The following DPYD variants were observed in gnomAD, a reference collection of about 807,000 sequenced individuals.
The protein encoded by DPYD is dihydropyrimidine dehydrogenase [NADP(+)].
In DPYD, 109 loss-of-function variants were observed where a neutral mutation model predicts 116.2. That is an observed-to-expected ratio of 0.94 (90% CI 0.80 to 1.10). DPYD has a LOEUF of 1.10. Ranked by LOEUF, DPYD falls within the 50% of genes least tolerant of loss-of-function variation. The probability of loss-of-function intolerance (pLI) is 0.00; values close to 1 mark genes in which losing one functional copy is unlikely to be tolerated. For missense variants in DPYD, 1,302 were observed against 1,254.5 expected, an observed-to-expected ratio of 1.04 and a Z score of -0.57; for synonymous variants, 440 against 432.0, an observed-to-expected ratio of 1.02 and a Z score of -0.23.
intron 11 of DPYD, among the ~76,000 whole-genome samples, chr1:97,554,524 C>A (rs1651553335): frequency 1.3e-5 from 2 of 152,016 alleles, no homozygotes. Context: ...TAACCTATCA[C>A]CCACTAGGAC....
At chr1:97,489,379 C>T (rs966549357) in intron 13 of DPYD, among the ~76,000 whole-genome samples, 2 of 152,170 alleles carry the variant, frequency 1.3e-5, no homozygotes, top group African/African-American at 4.8e-5. Context: ...CTCATCTATA[C>T]ACAATACTCC....
At chr1:97,548,727 C>T (rs1651093671) in intron 12 of DPYD, among the ~76,000 whole-genome samples, 1 of 151,998 alleles carries the variant, frequency 6.6e-6, no homozygotes, top group Non-Finnish European at 1.5e-5. Context: ...TAGAGCGAGA[C>T]TTTGTCTCAA....
intron 1 of DPYD, among the ~76,000 whole-genome samples, chr1:97,911,945 T>C (rs1229568320): frequency 1.3e-5 from 2 of 152,126 alleles, no homozygotes; most frequent in African/African-American, 4.8e-5. Context: ...CCATGCACGC[T>C]GTCAAGCCAT....
At chr1:97,104,942 G>C (rs2101611007) in intron 20 of DPYD, among the ~76,000 whole-genome samples, 1 of 152,242 alleles carries the variant, frequency 6.6e-6, no homozygotes, top group Non-Finnish European at 1.5e-5. Flanking sequence ...TTTCTGCTAA[G>C]TGCTGTGCAG....
intron 13 of DPYD, among the ~76,000 whole-genome samples, chr1:97,496,617 C>G (rs369086082): frequency 6.6e-6 from 1 of 151,994 alleles, no homozygotes; most frequent in African/African-American, 2.4e-5. Context: ...TTCTCTCTGA[C>G]TTTGCTCATG....
intron 2 of DPYD, among the ~76,000 whole-genome samples, chr1:97,840,855 T>C (rs1425798890): frequency 6.6e-6 from 1 of 152,152 alleles, no homozygotes; most frequent in Admixed American, 6.5e-5. Context: ...ATTATATACA[T>C]ACGAAGTTTC....
intron 13 of DPYD, among the ~76,000 whole-genome samples, chr1:97,476,425 C>A (rs1030702472): frequency 6.6e-6 from 1 of 151,828 alleles, no homozygotes; most frequent in Non-Finnish European, 1.5e-5. Flanking sequence ...TATGAAAAAA[C>A]AAAGCAATGA....
intron 20 of DPYD, among the ~76,000 whole-genome samples, chr1:97,134,011 AAAAATATATATATAT>A (rs1435247373): frequency 6.5e-4 from 23 of 35,182 alleles, no homozygotes; most frequent in South Asian, 1.1e-3. Flanking sequence ...AAAAAAAAAA[AAAAATATATATATAT>A]ATATATATAT....
At chr1:97,571,487 G>A (rs1652890557) in intron 11 of DPYD, among the ~76,000 whole-genome samples, 1 of 151,868 alleles carries the variant, frequency 6.6e-6, no homozygotes, top group South Asian at 2.1e-4. Context: ...GGACTGAAAG[G>A]ATGTCACTGC....
intron 20 of DPYD, among the ~76,000 whole-genome samples, chr1:97,189,800 A>C (rs896866780): frequency 1.3e-5 from 2 of 152,000 alleles, no homozygotes; most frequent in Non-Finnish European, 1.5e-5. Context: ...TTTAATAAAC[A>C]CTCCCTCTCC....
In DPYD at chr1:97,134,014, AATATATATATATATATATATATATAT is replaced by A. The variant is rs1165027630; in HGVS notation, c.2623-35408_2623-35383del. On this transcript the variant is annotated intron_variant, in intron 20 of 22. Coordinates refer to ENST00000370192, the MANE Select transcript of DPYD (RefSeq NM_000110.4). Reference sequence around the variant, plus strand: ...ACTCTGTTTCAAAAAAAAAAAAAAAAATATATATATATATATATATATATATATATATATATATATATATATATATA... The same window carrying A: ...ACTCTGTTTCAAAAAAAAAAAAAAAAATATATATATATATATATATATATA... 5.8e-4 allele frequency among the ~76,000 whole-genome samples: 11 copies of A among 18,818 alleles called. 1 individual carries two copies. Among genetic ancestry groups the A allele is most frequent in the African/African-American group, 9.9e-4 (5 of 5,032 alleles). 12.3% of individuals were successfully genotyped at this position (18,818 alleles called of 152,430 possible).
chr1:97,823,916 C>A (rs1232539820), intron 3 of DPYD, among the ~76,000 whole-genome samples: 6 of 49,782 alleles, frequency 1.2e-4, no homozygotes, highest in Non-Finnish European at 2.0e-4. Context: ...AACAAGTAAA[C>A]AAACAAACAA....
At chr1:97,773,551 C>T (rs1666247932) in intron 3 of DPYD, among the ~76,000 whole-genome samples, 1 of 152,100 alleles carries the variant, frequency 6.6e-6, no homozygotes, top group African/African-American at 2.4e-5. Flanking sequence ...CATCCTGTGC[C>T]TATAAAAACC....
chr1:97,921,041 G>C (rs1304177345), upstream of DPYD: 2 of 1,300,120 alleles, frequency 1.5e-6, no homozygotes, highest in Non-Finnish European at 1.1e-6. Context: ...GACTAGGGCC[G>C]GCGGCGCGGG....
intron 16 of DPYD, among the ~76,000 whole-genome samples, chr1:97,352,136 C>T (rs1385160046): frequency 3.3e-5 from 5 of 152,006 alleles, no homozygotes; most frequent in Non-Finnish European, 5.9e-5. Context: ...TCAAATAACT[C>T]TAAATAAAAA....
chr1:97,179,529 T>C (rs1386959468), intron 20 of DPYD, among the ~76,000 whole-genome samples: 1 of 152,106 alleles, frequency 6.6e-6, no homozygotes, highest in Admixed American at 6.6e-5. Flanking sequence ...GCTTTAAAGA[T>C]GTATGGCAAC....
intron 4 of DPYD, 77 bp downstream of exon 4, chr1:97,740,315 G>T: frequency 8.1e-7 from 1 of 1,239,148 alleles, no homozygotes; most frequent in Non-Finnish European, 1.2e-6. Flanking sequence ...AAGACAAGCT[G>T]TATTCTGTAC....
At chr1:97,138,635 T>C (rs943280192) in intron 20 of DPYD, among the ~76,000 whole-genome samples, 1 of 150,218 alleles carries the variant, frequency 6.7e-6, no homozygotes, top group Non-Finnish European at 1.5e-5. Context: ...TCGCAAAAAA[T>C]GTTCATAAAG....
chr1:97,651,559 T>C (rs1157645257), intron 8 of DPYD, among the ~76,000 whole-genome samples: 2 of 149,588 alleles, frequency 1.3e-5, no homozygotes, highest in African/African-American at 5.0e-5. Context: ...GAAAAGGCAC[T>C]TCATTTTGAG....
Sources: allele counts gnomAD v4.1 joint callset (sites outside exome capture counted in the v4.1 genomes callset), GRCh38; gene constraint gnomAD v4.1.1; transcripts MANE v1.5; gene names NCBI Gene and HGNC (gene_info 2026-07-23, HGNC 2026-07-21).